Variants in LIMCH1 observed in about 807,000 individuals in gnomAD.
LIMCH1 encodes LIM and calponin homology domains-containing protein 1.
In LIMCH1, 113 loss-of-function variants were observed where a neutral mutation model predicts 176.5. The observed-to-expected ratio is 0.64, with a 90% CI of 0.55 to 0.75. The LOEUF is 0.75. Among genes scored for constraint, LIMCH1 ranks in the 30% least tolerant of loss-of-function variants. The probability of loss-of-function intolerance (pLI) is 0.00; values close to 1 mark genes in which losing one functional copy is unlikely to be tolerated. For missense variants in LIMCH1, 1,674 were observed against 1,814.9 expected (o/e 0.92, Z 1.41); for synonymous variants, 619 against 645.9 (o/e 0.96, Z 0.63).
Position 41,684,490 on chromosome 4 carries a change from CTG to C in LIMCH1, c.3942_3943del (p.Cys1314TrpfsTer35), listed in dbSNP as rs1216122548. 2 of 1,613,628 alleles carry C rather than the reference CTG, an allele frequency of 1.2e-6. No individual in the cohort carries two copies. The highest frequency in any genetic ancestry group is 1.3e-5 in the African/African-American group (1 of 74,890). ...QLDTEAGAPH[C>X]GTNPQLAQDP... ...TGGATACCGAGGCTGGGGCCCCACACTGTGGAACAAACCCACAGCTTGCTCAG... is the reference window on the plus strand; with the variant it reads ...TGGATACCGAGGCTGGGGCCCCACACTGGAACAAACCCACAGCTTGCTCAG... On this transcript the variant is annotated frameshift_variant, in exon 27 of 32. Transcript: ENST00000503057. LOFTEE classifies it high-confidence loss of function.
At chr4:41,681,398 A>G (rs1715682469) in intron 25 of LIMCH1, among the ~76,000 whole-genome samples, 1 of 152,196 alleles carries the variant, frequency 6.6e-6, no homozygotes, top group Admixed American at 6.5e-5. Context: ...TTGCCAGATC[A>G]TTCATTCATT....
rs151059820 is a variant in LIMCH1, at chr4:41,546,047, T to C, written c.-241+7697T>C. Among the ~76,000 whole-genome samples, 465 of 152,322 alleles carry C rather than the reference T, an allele frequency of 3.1e-3. 4 individuals carry two copies. The highest frequency in any genetic ancestry group is 0.01 in the African/African-American group (432 of 41,572). On this transcript the variant is annotated intron_variant, in intron 1 of 31. Transcript: ENST00000503057. ...CTCTGTCAACAGATTTCTAAGCAGATATTTGATGATATATTGTTATAGGAA... is the reference window on the plus strand; with the variant it reads ...CTCTGTCAACAGATTTCTAAGCAGACATTTGATGATATATTGTTATAGGAA...
chr4:41,506,551 A>G (rs2074185714), intron 2 of LIMCH1, among the ~76,000 whole-genome samples: 2 of 152,248 alleles, frequency 1.3e-5, no homozygotes, highest in African/African-American at 4.8e-5. Flanking sequence ...CACACAGAGC[A>G]GTTAAGTTAC....
At chr4:41,466,977 A>G (rs2066213096) in intron 1 of LIMCH1, among the ~76,000 whole-genome samples, 1 of 151,930 alleles carries the variant, frequency 6.6e-6, no homozygotes, top group South Asian at 2.1e-4. Context: ...TTTTTTCTCT[A>G]TGAATCGGAA....
At chr4:41,671,518 T>G (rs1382858636) in intron 21 of LIMCH1, 36 bp from the exon 22 acceptor site, 4 of 1,571,840 alleles carry the variant, frequency 2.5e-6, no homozygotes, top group Non-Finnish European at 3.5e-6. Flanking sequence ...ATACTCACAT[T>G]CATATCTTTT....
chr4:41,510,237 A>G (rs1269205895), intron 2 of LIMCH1, among the ~76,000 whole-genome samples: 1 of 152,216 alleles, frequency 6.6e-6, no homozygotes. Context: ...TCTCCTCCTG[A>G]ACAAATTTTT....
intron 26 of LIMCH1, among the ~76,000 whole-genome samples, chr4:41,682,969 GC>G (rs937051265): frequency 6.6e-6 from 1 of 152,108 alleles, no homozygotes; most frequent in African/African-American, 2.4e-5. Context: ...GAGCCACCAT[GC>G]CTGGCCTAAA....
At chr4:41,570,041 A>T (rs1337281153) in intron 1 of LIMCH1, among the ~76,000 whole-genome samples, 1 of 152,216 alleles carries the variant, frequency 6.6e-6, no homozygotes, top group East Asian at 1.9e-4. Context: ...CATGAACCAC[A>T]TGTTTGCAGA....
At position 41,583,797 on chromosome 4, in the gene LIMCH1, C is replaced by G. The variant is rs186000201; in HGVS notation, c.-240-15123C>G. Among the ~76,000 whole-genome samples, 268 of 146,008 alleles carry G rather than the reference C, an allele frequency of 1.8e-3. 1 individual carries two copies. Among genetic ancestry groups the G allele is most frequent in the African/African-American group, 6.2e-3 (247 of 39,982 alleles). On this transcript the variant is annotated intron_variant, in intron 1 of 31. Coordinates refer to ENST00000503057, the MANE Select transcript of LIMCH1 (RefSeq NM_001330672.2). The stretch of plus-strand genomic sequence containing the variant: ...TCTCTCTCTCTCTTTTTTTTTTTTG[C>G]TTTGAATTCGTACCCTACATATCTC...
rs143953684 is a variant in LIMCH1, at chr4:41,461,993, A to G, written c.97-32543A>G. ...TTTTTGGACAGCTTGCAGAAGACCA[A>G]CCTATTTAGCATTTTGGCCAGTGTT... is the stretch of plus-strand genomic sequence containing the variant. On this transcript the variant is annotated intron_variant, in intron 1 of 26. Coordinates refer to the LIMCH1 transcript ENST00000313860. 3.3e-5 allele frequency among the ~76,000 whole-genome samples: 5 copies of G among 152,128 alleles called. No homozygotes were observed. The East Asian group carries it at 7.7e-4, about 23-fold the overall frequency.
chr4:41,428,332 T>G (rs952000309), intron 1 of LIMCH1, among the ~76,000 whole-genome samples: 1 of 152,192 alleles, frequency 6.6e-6, no homozygotes, highest in Non-Finnish European at 1.5e-5. Context: ...ACCTCCTCCG[T>G]GCTATCATGA....
intron 1 of LIMCH1, among the ~76,000 whole-genome samples, chr4:41,586,451 C>A (rs1229486080): frequency 6.6e-6 from 1 of 152,082 alleles, no homozygotes; most frequent in Non-Finnish European, 1.5e-5. Flanking sequence ...CATCATGGAC[C>A]AGTACCAAAC....
chr4:41,544,617 A>G (rs776781975), intron 1 of LIMCH1, among the ~76,000 whole-genome samples: 24 of 150,734 alleles, frequency 1.6e-4, no homozygotes, highest in Non-Finnish European at 3.0e-4. Flanking sequence ...ATTCCATTCC[A>G]CCTCCTCTCC....
intron 14 of LIMCH1, among the ~76,000 whole-genome samples, chr4:41,640,462 T>C (rs555934705): frequency 1.3e-5 from 2 of 152,310 alleles, no homozygotes; most frequent in East Asian, 3.9e-4. Context: ...ACAGGAAAAG[T>C]TAATGATTTC....
At chr4:41,460,905 C>T (rs1407894186) in intron 1 of LIMCH1, among the ~76,000 whole-genome samples, 1 of 152,178 alleles carries the variant, frequency 6.6e-6, no homozygotes, top group Non-Finnish European at 1.5e-5. Flanking sequence ...GCAGGTGCTG[C>T]ACATTGGCCC....
intron 1 of LIMCH1, 126 bp downstream of exon 1, chr4:41,538,476 G>A (rs866743650): frequency 4.7e-5 from 17 of 358,260 alleles, no homozygotes; most frequent in African/African-American, 6.7e-5. Context: ...TTAGTATGGC[G>A]AAAATAATAT....
chr4:41,387,412 G>C (rs2154107758), intron 1 of LIMCH1, among the ~76,000 whole-genome samples: 1 of 152,236 alleles, frequency 6.6e-6, no homozygotes, highest in South Asian at 2.1e-4. Flanking sequence ...ATATAATTGA[G>C]TAATTCATAA....
chr4:41,553,862 A>T (rs1036693097), intron 1 of LIMCH1, among the ~76,000 whole-genome samples: 1 of 152,154 alleles, frequency 6.6e-6, no homozygotes, highest in Non-Finnish European at 1.5e-5. Context: ...CCTACTATGC[A>T]CCAGATCCTG....
chr4:41,628,868 C>T (rs2093148107), intron 8 of LIMCH1, among the ~76,000 whole-genome samples: 2 of 151,600 alleles, frequency 1.3e-5, no homozygotes, highest in Non-Finnish European at 1.5e-5. Flanking sequence ...AAGAGGAATA[C>T]CCTCTGCTTT....
Sources: gnomAD v4.1 joint callset for allele counts (sites outside exome capture counted in the v4.1 genomes callset) on GRCh38, gnomAD v4.1.1 for gene constraint, MANE v1.5 for transcripts, NCBI Gene and HGNC (gene_info 2026-07-23, HGNC 2026-07-21) for gene names.